Variants in MAGI2 observed in about 807,000 individuals in gnomAD.
MAGI2 encodes the protein membrane-associated guanylate kinase, WW and PDZ domain-containing protein 2.
A neutral mutation model predicts 133.3 loss-of-function variants in MAGI2; 35 were observed. The ratio of observed to expected loss-of-function variants is 0.26; its 90% CI spans 0.20 to 0.35. The LOEUF (loss-of-function observed/expected upper bound fraction) is 0.35. Ranked by LOEUF, MAGI2 falls within the 10% of genes least tolerant of loss-of-function variation. The pLI is 1.00. For missense variants in MAGI2, 1,636 were observed against 1,863.4 expected (o/e 0.88, Z 2.25); for synonymous variants, 729 against 710.6 (o/e 1.03, Z -0.41).
intron 2 of MAGI2, among the ~76,000 whole-genome samples, chr7:78,982,475 C>A (rs944724292): frequency 1.3e-5 from 2 of 151,850 alleles, no homozygotes; most frequent in Non-Finnish European, 2.9e-5. Flanking sequence ...CATCAATATT[C>A]AAAACCAATT....
At chr7:79,144,522 T>C (rs1225858656) in intron 1 of MAGI2, among the ~76,000 whole-genome samples, 3 of 152,218 alleles carry the variant, frequency 2.0e-5, no homozygotes, top group South Asian at 2.1e-4. Flanking sequence ...TCCCCAGCCA[T>C]GCTATCTGTA....
chr7:78,640,586 C>T (rs1293755204), intron 2 of MAGI2, among the ~76,000 whole-genome samples: 2 of 150,988 alleles, frequency 1.3e-5, no homozygotes, highest in Non-Finnish European at 3.0e-5. Context: ...CACTTATTTG[C>T]CAGGACTAAT....
chr7:78,262,792 C>G (rs1793636198), intron 9 of MAGI2, among the ~76,000 whole-genome samples: 1 of 152,138 alleles, frequency 6.6e-6, no homozygotes, highest in African/African-American at 2.4e-5. Context: ...CCCTTAGATT[C>G]TAGCTCTTGG....
At chr7:78,915,006 A>G (rs774123401) in intron 2 of MAGI2, among the ~76,000 whole-genome samples, 1 of 152,148 alleles carries the variant, frequency 6.6e-6, no homozygotes, top group Non-Finnish European at 1.5e-5. Flanking sequence ...AGAAAAAATG[A>G]ATTTTGCTAT....
intron 3 of MAGI2, among the ~76,000 whole-genome samples, chr7:78,538,256 A>G (rs1477098139): frequency 1.3e-5 from 2 of 152,150 alleles, no homozygotes; most frequent in Non-Finnish European, 2.9e-5. Context: ...GAGGTTGGGT[A>G]ATGTGATGCC....
intron 3 of MAGI2, among the ~76,000 whole-genome samples, chr7:78,573,070 T>C (rs199789356): frequency 0.075 from 6,097 of 80,918 alleles, 298 homozygotes; most frequent in South Asian, 0.1. Flanking sequence ...TATATATATA[T>C]ATATATACAC....
intron 2 of MAGI2, among the ~76,000 whole-genome samples, chr7:78,628,513 A>G (rs1439247159): frequency 6.6e-6 from 1 of 152,142 alleles, no homozygotes. Flanking sequence ...AGCAGAAGGT[A>G]ATGTCAGAAT....
chr7:78,442,275 CTGAT>C (rs1320989875), intron 6 of MAGI2, among the ~76,000 whole-genome samples: 2 of 152,182 alleles, frequency 1.3e-5, no homozygotes, highest in Non-Finnish European at 2.9e-5. Flanking sequence ...TACTTCCTAT[CTGAT>C]TGAAAATCAT....
intron 1 of MAGI2, among the ~76,000 whole-genome samples, chr7:79,026,191 T>C (rs1242904414): frequency 6.6e-6 from 1 of 152,172 alleles, no homozygotes; most frequent in African/African-American, 2.4e-5. Context: ...ATCAAATATA[T>C]TCTCTATTGC....
At chr7:78,324,014 T>C (rs1788284571) in intron 9 of MAGI2, among the ~76,000 whole-genome samples, 1 of 152,166 alleles carries the variant, frequency 6.6e-6, no homozygotes. Flanking sequence ...AACCAGAGTA[T>C]TTGGATATAC....
chr7:79,129,475 T>G (rs1385049183), intron 1 of MAGI2, among the ~76,000 whole-genome samples: 1 of 152,220 alleles, frequency 6.6e-6, no homozygotes, highest in Non-Finnish European at 1.5e-5. Flanking sequence ...AATGCAACTT[T>G]CAGGATTATT....
intron 21 of MAGI2, among the ~76,000 whole-genome samples, chr7:78,029,624 T>C (rs923657936): frequency 7.9e-5 from 12 of 152,226 alleles, no homozygotes; most frequent in Non-Finnish European, 1.5e-4. Flanking sequence ...CTTGGGATGC[T>C]CCAGGCTCTA....
At chr7:78,706,998 G>C (rs899369702) in intron 2 of MAGI2, among the ~76,000 whole-genome samples, 1 of 152,060 alleles carries the variant, frequency 6.6e-6, no homozygotes. Context: ...AGCCTCCTTT[G>C]TACTGAATTC....
At position 79,338,221 on chromosome 7, in the gene MAGI2, T is replaced by C. The variant is rs563723880; in HGVS notation, c.301+114799A>G. Reference sequence around the variant, plus strand: ...GTTGTTTATTTGTTGCTGTTCTACATAGAGTTTGGAGAAGCAGGGGAAGCT... The same window carrying C: ...GTTGTTTATTTGTTGCTGTTCTACACAGAGTTTGGAGAAGCAGGGGAAGCT... On this transcript the variant is annotated intron_variant, in intron 1 of 21. Coordinates refer to ENST00000354212, the MANE Select transcript of MAGI2 (RefSeq NM_012301.4). Among the ~76,000 whole-genome samples the C allele has an allele frequency of 9.2e-5, 14 of 152,278 alleles. No homozygotes were observed. The South Asian group carries it at 2.9e-3, about 32-fold the overall frequency.
chr7:78,382,729 C>G (rs573520608), intron 6 of MAGI2, among the ~76,000 whole-genome samples: 6 of 152,068 alleles, frequency 3.9e-5, no homozygotes, highest in African/African-American at 1.4e-4. Flanking sequence ...ACTTTTGCAC[C>G]CTTTAACCCA....
chr7:78,094,070 T>C (rs1345799635), intron 20 of MAGI2, among the ~76,000 whole-genome samples: 1 of 152,146 alleles, frequency 6.6e-6, no homozygotes, highest in African/African-American at 2.4e-5. Context: ...CAATAAATAA[T>C]GTAGAATGAA....
chr7:79,426,336 T>C, intron 1 of MAGI2, among the ~76,000 whole-genome samples: 1 of 99,532 alleles, frequency 1.0e-5, no homozygotes, highest in Non-Finnish European at 1.9e-5. Flanking sequence ...TCCTTTCTCC[T>C]TCTCCTACTT....
intron 2 of MAGI2, among the ~76,000 whole-genome samples, chr7:78,981,873 A>T (rs763218072): frequency 2.6e-5 from 4 of 152,028 alleles, no homozygotes; most frequent in Non-Finnish European, 5.9e-5. Context: ...CTCATGGAAG[A>T]AATTTTTCCT....
At chr7:79,441,389 A>G (rs187951255) in intron 1 of MAGI2, among the ~76,000 whole-genome samples, 1 of 152,352 alleles carries the variant, frequency 6.6e-6, no homozygotes, top group African/African-American at 2.4e-5. Context: ...AAAAGGCATC[A>G]TGGATTTTAT....
Sources: gnomAD v4.1 joint callset for allele counts (sites outside exome capture counted in the v4.1 genomes callset) on GRCh38, gnomAD v4.1.1 for gene constraint, MANE v1.5 for transcripts, NCBI Gene and HGNC (gene_info 2026-07-23, HGNC 2026-07-21) for gene names.